Variants in FREM1 observed in about 807,000 individuals in gnomAD.
FREM1 encodes FRAS1 related extracellular matrix 1.
Under a neutral mutation model 210.1 loss-of-function variants are expected in FREM1, and 220 were observed. The observed-to-expected ratio is 1.05, with a 90% CI of 0.94 to 1.17. The LOEUF (loss-of-function observed/expected upper bound fraction) is 1.17. FREM1 is among the 50% of genes most tolerant of loss of function. FREM1 has a pLI of 0.00. For synonymous variants in FREM1, 1,189 were observed against 980.2 expected (o/e 1.21, Z -3.98); for missense variants, 3,454 against 2,675.5 (o/e 1.29, Z -6.42).
chr9:14,905,211 CAATA>C (rs1817478422), intron 1 of FREM1, among the ~76,000 whole-genome samples: 2 of 152,162 alleles, frequency 1.3e-5, no homozygotes, highest in African/African-American at 4.8e-5. Flanking sequence ...CAGAGAAGCT[CAATA>C]AATATCAGTT....
intron 10 of FREM1, among the ~76,000 whole-genome samples, chr9:14,829,675 GC>G (rs1258371037): frequency 2.6e-5 from 4 of 152,096 alleles, no homozygotes; most frequent in African/African-American, 9.7e-5. Flanking sequence ...GGACTTCCCA[GC>G]CTCCAGAACC....
intron 6 of FREM1, among the ~76,000 whole-genome samples, chr9:14,850,990 C>T (rs1006181012): frequency 5.3e-5 from 8 of 152,192 alleles, no homozygotes; most frequent in Non-Finnish European, 8.8e-5. Flanking sequence ...AGTGCTACAG[C>T]AACAGTGGGC....
chr9:14,761,830 A>G (rs574657900), intron 27 of FREM1, among the ~76,000 whole-genome samples: 7 of 152,224 alleles, frequency 4.6e-5, no homozygotes, highest in Non-Finnish European at 1.0e-4. Flanking sequence ...ACAGTGTCAC[A>G]GTGCTTGTGT....
intron 27 of FREM1, among the ~76,000 whole-genome samples, chr9:14,760,581 GTCT>G (rs1845307051): frequency 6.6e-6 from 1 of 152,134 alleles, no homozygotes; most frequent in Admixed American, 6.5e-5. Flanking sequence ...GGTGGAAACT[GTCT>G]TCTTTAATCT....
intron 26 of FREM1, among the ~76,000 whole-genome samples, chr9:14,770,181 T>C (rs1468297987): frequency 6.6e-6 from 1 of 152,202 alleles, no homozygotes; most frequent in Non-Finnish European, 1.5e-5. Context: ...ATGATCATTG[T>C]GCTCATAAAG....
chr9:14,749,995 G>A (rs1405499755), intron 30 of FREM1, 132 bp downstream of exon 30: 12 of 913,902 alleles, frequency 1.3e-5, no homozygotes, highest in Non-Finnish European at 1.7e-5. Context: ...CCTACATCAC[G>A]ACTGAGGGTG....
At chr9:14,781,662 G>T (rs187370920) in intron 24 of FREM1, among the ~76,000 whole-genome samples, 3 of 152,246 alleles carry the variant, frequency 2.0e-5, no homozygotes, top group Middle Eastern at 6.8e-3. Context: ...TTGGGCTGAA[G>T]GCCCCAGAAT....
intron 6 of FREM1, among the ~76,000 whole-genome samples, chr9:14,849,844 C>T (rs990428202): frequency 1.3e-5 from 2 of 152,170 alleles, no homozygotes; most frequent in African/African-American, 4.8e-5. Flanking sequence ...CCAGAAACTA[C>T]ACACAGGAAG....
At chr9:14,881,148 C>T (rs1260644217) in intron 1 of FREM1, among the ~76,000 whole-genome samples, 3 of 152,182 alleles carry the variant, frequency 2.0e-5, no homozygotes, top group Non-Finnish European at 2.9e-5. Flanking sequence ...CTTCTCCTGC[C>T]GCCCACTCAG....
At chr9:14,833,208 G>A (rs1823905599) in intron 10 of FREM1, among the ~76,000 whole-genome samples, 1 of 152,156 alleles carries the variant, frequency 6.6e-6, no homozygotes, top group Admixed American at 6.5e-5. Flanking sequence ...CTTAAGCACT[G>A]ATCTTAAGAG....
intron 15 of FREM1, among the ~76,000 whole-genome samples, chr9:14,816,520 A>G (rs1186984081): frequency 6.6e-6 from 1 of 152,156 alleles, no homozygotes; most frequent in African/African-American, 2.4e-5. Context: ...CACCCTCATG[A>G]ATGGATTAAT....
chr9:14,823,260 T>A lies in FREM1; in HGVS notation c.2237A>T (p.Asp746Val). 6.2e-6 allele frequency: 10 copies of A among 1,613,950 alleles called. No homozygotes were observed. The highest frequency in any genetic ancestry group is 7.6e-6 in the Non-Finnish European group (9 of 1,179,848). The change falls in exon 13 of 37, where the codon GAT (aspartate) becomes GTT (valine). Residue 746 changes from aspartate (D) to valine (V), a missense_variant. Asp to Val is a radical substitution (Grantham distance 152, BLOSUM62 -3). Transcript: ENST00000380880. ...ACTGACAGAAAATGTGAACTGGACA[T>A]CTCTGCAATGGGGACCAATGTCTTG... ...PMQDIGPHCRDVQFTFSVSNQ... is the reference protein window; with the variant it reads ...PMQDIGPHCRVVQFTFSVSNQ...
At chr9:14,781,730 T>A (rs1016866718) in intron 24 of FREM1, among the ~76,000 whole-genome samples, 11 of 152,082 alleles carry the variant, frequency 7.2e-5, no homozygotes, top group Non-Finnish European at 1.5e-4. Context: ...TGAGATGGAG[T>A]TTCGCTCTTG....
intron 1 of FREM1, among the ~76,000 whole-genome samples, chr9:14,904,130 A>C (rs1407266991): frequency 1.3e-5 from 2 of 151,814 alleles, no homozygotes; most frequent in South Asian, 4.2e-4. Flanking sequence ...AAAAAAAAAA[A>C]AAAAAAACAC....
At chr9:14,788,801 G>T in intron 23 of FREM1, 118 bp downstream of exon 23, 1 of 791,590 alleles carries the variant, frequency 1.3e-6, no homozygotes, top group Non-Finnish European at 2.0e-6. Context: ...TTTCAAAGAT[G>T]AAGAGTGGCA....
In FREM1 at chr9:14,770,864, G is replaced by C; in HGVS notation, c.4858-58C>G. ...CAAAGGCCCCTCACCCCCATGCAAC[G>C]TTGGGCTTTATTGGTTCAACAATGA... On this transcript the variant is annotated intron_variant, in intron 25 of 36. Transcript: ENST00000380880. The C allele has an allele frequency of 3.1e-6, 4 of 1,280,082 alleles. No individual in the cohort carries two copies. The East Asian group carries it at 9.8e-5, about 31-fold the overall frequency. 79.3% of individuals were successfully genotyped at this position (1,280,082 alleles called of 1,614,324 possible).
At chr9:14,765,702 T>G (rs1846268748) in intron 27 of FREM1, among the ~76,000 whole-genome samples, 3 of 152,138 alleles carry the variant, frequency 2.0e-5, no homozygotes, top group Non-Finnish European at 4.4e-5. Context: ...TAGTCTTCTG[T>G]CCCTTCTCTT....
At chr9:14,781,331 AC>A (rs1849615714) in intron 24 of FREM1, among the ~76,000 whole-genome samples, 2 of 152,228 alleles carry the variant, frequency 1.3e-5, no homozygotes, top group African/African-American at 4.8e-5. Context: ...AAGGGATTGC[AC>A]CAAATCAATG....
chr9:14,902,817 T>TA (rs1485689116), intron 1 of FREM1, among the ~76,000 whole-genome samples: 1 of 152,224 alleles, frequency 6.6e-6, no homozygotes, highest in Non-Finnish European at 1.5e-5. Flanking sequence ...AACTGATTTT[T>TA]AAATGGGGGT....
Sources: gnomAD v4.1 joint callset for allele counts (sites outside exome capture counted in the v4.1 genomes callset) on GRCh38, gnomAD v4.1.1 for gene constraint, MANE v1.5 for transcripts, NCBI Gene and HGNC (gene_info 2026-07-23, HGNC 2026-07-21) for gene names.